The following NRXN3 variants were observed in gnomAD, a reference collection of about 807,000 sequenced individuals.
The protein encoded by NRXN3 is neurexin III.
Under a neutral mutation model 137.6 loss-of-function variants are expected in NRXN3, and 32 were observed. The observed-to-expected ratio is 0.23, with a 90% confidence interval of 0.18 to 0.31. The LOEUF (loss-of-function observed/expected upper bound fraction) is 0.31, where lower values mean the gene tolerates loss of function less well. Ranked by LOEUF, NRXN3 falls within the 10% of genes least tolerant of loss-of-function variation. The pLI is 1.00. For missense variants in NRXN3, 1,574 were observed against 2,062.5 expected (o/e 0.76, Z 4.59); for synonymous variants, 798 against 784.5 (o/e 1.02, Z -0.29).
intron 15 of NRXN3, among the ~76,000 whole-genome samples, chr14:79,248,016 T>C (rs963604835): frequency 6.6e-6 from 1 of 152,190 alleles, no homozygotes; most frequent in Non-Finnish European, 1.5e-5. Context: ...TTTCTTTGAC[T>C]GGTGGGCACC....
chr14:78,726,803 G>A (rs1165186914), intron 8 of NRXN3, among the ~76,000 whole-genome samples: 3 of 151,928 alleles, frequency 2.0e-5, no homozygotes, highest in Non-Finnish European at 4.4e-5. Context: ...ACAGGCGTGA[G>A]TCATCACACC....
At chr14:79,098,949 T>C (rs1002320339) in intron 15 of NRXN3, among the ~76,000 whole-genome samples, 3 of 152,196 alleles carry the variant, frequency 2.0e-5, no homozygotes, top group Non-Finnish European at 4.4e-5. Flanking sequence ...TTGGTTAAAA[T>C]TGGATACATA....
At chr14:78,680,130 C>A (rs183566710) in intron 6 of NRXN3, among the ~76,000 whole-genome samples, 1 of 151,958 alleles carries the variant, frequency 6.6e-6, no homozygotes, top group Admixed American at 6.6e-5. Context: ...AACACAGGAA[C>A]AGAAAACCAA....
intron 15 of NRXN3, among the ~76,000 whole-genome samples, chr14:79,346,247 C>T (rs1032883195): frequency 1.4e-4 from 21 of 152,072 alleles, no homozygotes; most frequent in Admixed American, 1.0e-3. Flanking sequence ...TAGTGAAACC[C>T]CATCTCTGCT....
At chr14:79,721,837 G>A (rs1194350069) in intron 19 of NRXN3, among the ~76,000 whole-genome samples, 1 of 152,112 alleles carries the variant, frequency 6.6e-6, no homozygotes, top group Non-Finnish European at 1.5e-5. Context: ...AAGAGGTAGG[G>A]TGTGGTAGCA....
chr14:78,716,713 G>A (rs10148040), intron 8 of NRXN3, among the ~76,000 whole-genome samples: 74,593 of 152,046 alleles, frequency 0.49, 21,415 homozygotes, highest in Non-Finnish European at 0.62. Flanking sequence ...CAACTGTGGG[G>A]CCAACTGTGT....
intron 19 of NRXN3, among the ~76,000 whole-genome samples, chr14:79,733,950 TA>T (rs1343690546): frequency 1.3e-5 from 2 of 152,152 alleles, no homozygotes; most frequent in East Asian, 3.9e-4. Context: ...ATTAAAATGA[TA>T]AACATGACTC....
chr14:79,690,721 T>C (rs940229449), intron 17 of NRXN3, among the ~76,000 whole-genome samples: 4 of 152,036 alleles, frequency 2.6e-5, no homozygotes, highest in Non-Finnish European at 4.4e-5. Flanking sequence ...TTTCCTATCC[T>C]ATACCCCCAC....
chr14:79,294,959 T>G (rs569140061), intron 15 of NRXN3, among the ~76,000 whole-genome samples: 5 of 152,256 alleles, frequency 3.3e-5, no homozygotes, highest in Admixed American at 2.6e-4. Context: ...CTTCCTTAGC[T>G]TCTGTTTTTC....
chr14:79,815,731 C>T (rs559344923), intron 20 of NRXN3, among the ~76,000 whole-genome samples: 1 of 152,216 alleles, frequency 6.6e-6, no homozygotes, highest in East Asian at 1.9e-4. Flanking sequence ...TAAAATATTC[C>T]CACCATGGCT....
At chr14:78,759,644 T>G (rs928326752) in intron 8 of NRXN3, among the ~76,000 whole-genome samples, 1 of 152,206 alleles carries the variant, frequency 6.6e-6, no homozygotes, top group Non-Finnish European at 1.5e-5. Flanking sequence ...CAGCCATGAT[T>G]TCTTGATTAG....
chr14:79,128,548 G>C (rs1229364819), intron 15 of NRXN3, among the ~76,000 whole-genome samples: 51 of 151,132 alleles, frequency 3.4e-4, no homozygotes, highest in Admixed American at 3.0e-3. Flanking sequence ...TGGTGGATAA[G>C]CTTTTTGATG....
At chr14:78,797,361 C>T (rs1446760197) in intron 8 of NRXN3, among the ~76,000 whole-genome samples, 1 of 152,066 alleles carries the variant, frequency 6.6e-6, no homozygotes, top group Non-Finnish European at 1.5e-5. Context: ...GACCCATACA[C>T]AGAAATAAAT....
chr14:79,469,640 G>A (rs17109244), intron 16 of NRXN3, among the ~76,000 whole-genome samples: 1 of 152,148 alleles, frequency 6.6e-6, no homozygotes, highest in African/African-American at 2.4e-5. Flanking sequence ...TTGCTTAAAC[G>A]TTCTGTGAAA....
chr14:78,255,064 T>C (rs932685530), intron 2 of NRXN3, among the ~76,000 whole-genome samples: 6 of 150,410 alleles, frequency 4.0e-5, no homozygotes, highest in Admixed American at 2.0e-4. Context: ...TGGCATAGAC[T>C]GGAAGCCTGC....
chr14:79,314,856 T>A (rs1434000718), intron 15 of NRXN3, among the ~76,000 whole-genome samples: 1 of 150,872 alleles, frequency 6.6e-6, no homozygotes, highest in East Asian at 2.0e-4. Context: ...CTGAGGGTCC[T>A]GTCTGTTAGA....
chr14:78,938,994 C>T (rs1466074578), intron 10 of NRXN3, among the ~76,000 whole-genome samples: 2 of 151,648 alleles, frequency 1.3e-5, no homozygotes, highest in Non-Finnish European at 2.9e-5. Flanking sequence ...TACAGGCGCC[C>T]GCCACCTCGC....
chr14:79,081,039 G>A (rs768161584), intron 15 of NRXN3, among the ~76,000 whole-genome samples: 16 of 152,176 alleles, frequency 1.1e-4, no homozygotes, highest in East Asian at 1.9e-4. Context: ...TAACCAGCAC[G>A]TTTTTTAGCA....
chr14:78,969,347 T>C (rs2099429716), intron 14 of NRXN3, among the ~76,000 whole-genome samples: 1 of 152,206 alleles, frequency 6.6e-6, no homozygotes. Flanking sequence ...CAGCCTTCCC[T>C]AGTAGTCTTG....
Sources: gnomAD v4.1 joint callset for allele counts (sites outside exome capture counted in the v4.1 genomes callset) on GRCh38, gnomAD v4.1.1 for gene constraint, MANE v1.5 for transcripts, NCBI Gene and HGNC (gene_info 2026-07-23, HGNC 2026-07-21) for gene names.